MCU: variants seen among roughly 807,000 people sequenced by gnomAD.
MCU encodes calcium uniporter protein, mitochondrial.
Under a neutral mutation model 45.2 loss-of-function variants are expected in MCU, and 12 were observed. The observed-to-expected ratio is 0.27, with a 90% CI of 0.17 to 0.43. The LOEUF is 0.43. Ranked by LOEUF, MCU falls within the 20% of genes least tolerant of loss-of-function variation. The pLI, the probability that MCU is intolerant of heterozygous loss-of-function variation, is 1.00. For missense variants in MCU, 324 were observed against 436.7 expected (o/e 0.74, Z 2.30); for synonymous variants, 160 against 165.1 (o/e 0.97, Z 0.24).
intron 1 of MCU, among the ~76,000 whole-genome samples, chr10:72,769,636 A>G (rs1291942041): frequency 1.3e-5 from 2 of 152,136 alleles, no homozygotes; most frequent in East Asian, 3.8e-4. Context: ...AAACCATACA[A>G]TTCACCCATT....
At chr10:72,839,733 C>T (rs966004926) in intron 2 of MCU, among the ~76,000 whole-genome samples, 2 of 150,104 alleles carry the variant, frequency 1.3e-5, no homozygotes, top group East Asian at 2.0e-4. Context: ...GCGGGCAGAT[C>T]ATGAGGTCAG....
intron 1 of MCU, among the ~76,000 whole-genome samples, chr10:72,698,689 G>C (rs1842719346): frequency 6.6e-6 from 1 of 152,216 alleles, no homozygotes; most frequent in Admixed American, 6.5e-5. Flanking sequence ...ATTGTTAGTA[G>C]TGATGGTGTC....
At chr10:72,822,001 C>T (rs760338229) in intron 1 of MCU, among the ~76,000 whole-genome samples, 90 of 152,200 alleles carry the variant, frequency 5.9e-4, no homozygotes, top group Non-Finnish European at 1.0e-3. Context: ...AACGGCTGGA[C>T]GTGGTGGCTC....
chr10:72,883,921 A>G (rs995322298), intron 6 of MCU, among the ~76,000 whole-genome samples: 1 of 152,210 alleles, frequency 6.6e-6, no homozygotes, highest in Non-Finnish European at 1.5e-5. Context: ...AGAAAATAAG[A>G]AAACAATTAC....
chr10:72,789,069 G>A (rs929649689), intron 1 of MCU, among the ~76,000 whole-genome samples: 2 of 152,100 alleles, frequency 1.3e-5, no homozygotes, highest in Non-Finnish European at 2.9e-5. Flanking sequence ...TAGAATGATT[G>A]TGTCTACTCC....
intron 1 of MCU, among the ~76,000 whole-genome samples, chr10:72,700,558 T>C (rs1842747235): frequency 6.6e-6 from 1 of 152,210 alleles, no homozygotes; most frequent in African/African-American, 2.4e-5. Context: ...TCAAGCAAAT[T>C]AATTTTAATA....
At chr10:72,813,082 T>G (rs1041309059) in intron 1 of MCU, among the ~76,000 whole-genome samples, 1 of 152,186 alleles carries the variant, frequency 6.6e-6, no homozygotes, top group Non-Finnish European at 1.5e-5. Context: ...ACATTCTGGA[T>G]TTTTTATATA....
Position 72,837,868 on chromosome 10 carries a change from T to C in MCU, c.220+3440T>C, listed in dbSNP as rs7088135. ...ATGCCCAATACTGGTTTTTTTTTTT[T>C]TTTTTTTGAGACCGAGTCTCACTCT... On this transcript the variant is annotated intron_variant, in intron 2 of 7. Coordinates refer to ENST00000373053, the MANE Select transcript of MCU (RefSeq NM_138357.3). Among the ~76,000 whole-genome samples, 367 of 150,484 alleles carry C rather than the reference T, an allele frequency of 2.4e-3. 1 individual carries two copies. Among genetic ancestry groups the C allele is most frequent in the African/African-American group, 8.5e-3 (347 of 40,626 alleles).
intron 4 of MCU, among the ~76,000 whole-genome samples, chr10:72,862,954 A>G (rs376561859): frequency 7.1e-4 from 108 of 152,266 alleles, no homozygotes; most frequent in Admixed American, 2.7e-3. Flanking sequence ...CTAACATAGA[A>G]AAGTTCTGAG....
At chr10:72,878,016 G>A (rs1564582428) in intron 6 of MCU, among the ~76,000 whole-genome samples, 1 of 151,402 alleles carries the variant, frequency 6.6e-6, no homozygotes, top group Non-Finnish European at 1.5e-5. Context: ...CCCGAGTGCT[G>A]ATGCTCACAG....
Position 72,886,735 on chromosome 10 carries a change from T to G in MCU, c.*913T>G, listed in dbSNP as rs569628586. The stretch of plus-strand genomic sequence containing the variant: ...CTGTAGCCATTTCAACCAGAATAAT[T>G]TTATTGCTAATCTGCTTTGTGTGAC... On this transcript the variant is annotated 3_prime_UTR_variant, in exon 8 of 8. Coordinates refer to ENST00000373053, the MANE Select transcript of MCU (RefSeq NM_138357.3). The G allele has an allele frequency of 1.3e-5, 2 of 152,326 alleles. No homozygotes were observed. The highest frequency in any genetic ancestry group is 2.4e-5 in the African/African-American group (1 of 41,446). The allele number at this position is 152,326 out of a possible 1,614,324, so 9.4% of individuals were successfully genotyped here. A position where few individuals can be genotyped will look rare whatever the true frequency, so the allele number is the denominator to read the frequency against.
At chr10:72,723,257 A>G (rs1471174033) in intron 1 of MCU, among the ~76,000 whole-genome samples, 1 of 152,094 alleles carries the variant, frequency 6.6e-6, no homozygotes, top group African/African-American at 2.4e-5. Context: ...AAGTTTTTAA[A>G]AATTAGCAAA....
At chr10:72,715,959 T>G in intron 1 of MCU, 1 of 897,508 alleles carries the variant, frequency 1.1e-6, no homozygotes, top group Non-Finnish European at 1.3e-6. Context: ...ACAGTTTATT[T>G]TGGTGTGAAC....
intron 1 of MCU, among the ~76,000 whole-genome samples, chr10:72,746,733 T>C (rs1367450296): frequency 6.6e-6 from 1 of 152,190 alleles, no homozygotes; most frequent in Non-Finnish European, 1.5e-5. Context: ...TTTCTTATAA[T>C]TGCTTCCATG....
chr10:72,870,518 G>A (rs753708785), intron 5 of MCU, among the ~76,000 whole-genome samples: 2 of 152,056 alleles, frequency 1.3e-5, no homozygotes, highest in African/African-American at 2.4e-5. Context: ...TCCTGACCTC[G>A]TGATCCACCT....
At chr10:72,825,484 A>T (rs1321212234) in intron 1 of MCU, among the ~76,000 whole-genome samples, 1 of 152,226 alleles carries the variant, frequency 6.6e-6, no homozygotes. Flanking sequence ...TCTACAAAAT[A>T]CAAAATTTGT....
intron 2 of MCU, among the ~76,000 whole-genome samples, chr10:72,848,412 A>C (rs909454359): frequency 5.9e-5 from 9 of 152,132 alleles, no homozygotes; most frequent in Admixed American, 3.9e-4. Flanking sequence ...GGAAGTGTGC[A>C]CAGAAGACAG....
At chr10:72,831,655 A>T (rs1380988463) in intron 1 of MCU, among the ~76,000 whole-genome samples, 5 of 152,202 alleles carry the variant, frequency 3.3e-5, no homozygotes. Flanking sequence ...TGTTAAATGT[A>T]TGGGGGGAAA....
At chr10:72,770,399 G>T (rs1843787274) in intron 1 of MCU, among the ~76,000 whole-genome samples, 1 of 151,950 alleles carries the variant, frequency 6.6e-6, no homozygotes, top group Admixed American at 6.6e-5. Context: ...ATCCACTTCA[G>T]ATTTGTACTA....
Sources: gnomAD v4.1 joint callset for allele counts (sites outside exome capture counted in the v4.1 genomes callset) on GRCh38, gnomAD v4.1.1 for gene constraint, MANE v1.5 for transcripts, NCBI Gene and HGNC (gene_info 2026-07-23, HGNC 2026-07-21) for gene names.